Variants in GRIP1 observed in about 807,000 individuals in gnomAD.
GRIP1 encodes glutamate receptor-interacting protein 1.
GRIP1 carries 45 observed loss-of-function variants against 129.9 expected under a neutral mutation model. The observed-to-expected ratio is 0.35, with a 90% CI of 0.27 to 0.44. GRIP1 has a LOEUF of 0.44. Ranked by LOEUF, GRIP1 falls within the 20% of genes least tolerant of loss-of-function variation. GRIP1 has a pLI of 1.00. For synonymous variants in GRIP1, 530 were observed against 520.8 expected, an observed-to-expected ratio of 1.02 and a Z score of -0.24; for missense variants, 1,196 against 1,396.8, an observed-to-expected ratio of 0.86 and a Z score of 2.29.
At chr12:66,736,392 T>A (rs970490326) in intron 1 of GRIP1, among the ~76,000 whole-genome samples, 1 of 129,454 alleles carries the variant, frequency 7.7e-6, no homozygotes, top group Middle Eastern at 4.0e-3. Flanking sequence ...TTTTTTTTTT[T>A]AGGATACAGG....
At chr12:67,002,064 T>A (rs1462817423) in intron 1 of GRIP1, among the ~76,000 whole-genome samples, 1 of 152,054 alleles carries the variant, frequency 6.6e-6, no homozygotes, top group African/African-American at 2.4e-5. Flanking sequence ...ATGCACCCAG[T>A]TGTAAATCCA....
At chr12:66,598,031 C>CATT (rs75396025) in intron 1 of GRIP1, among the ~76,000 whole-genome samples, 11,362 of 152,090 alleles carry the variant, frequency 0.075, 494 homozygotes, top group East Asian at 0.11. Flanking sequence ...TAAGATGTAT[C>CATT]GTTGTTGTTA....
At chr12:66,972,447 T>C (rs2042088385) in intron 1 of GRIP1, among the ~76,000 whole-genome samples, 1 of 152,212 alleles carries the variant, frequency 6.6e-6, no homozygotes, top group African/African-American at 2.4e-5. Context: ...CAGAACTTCT[T>C]ACAAAGATAT....
chr12:66,465,016 C>G (rs12818702), intron 8 of GRIP1, among the ~76,000 whole-genome samples: 39,575 of 148,886 alleles, frequency 0.27, 6,221 homozygotes, highest in African/African-American at 0.43. Flanking sequence ...AATGGTTCAG[C>G]TCACTGCAAC....
intron 1 of GRIP1, among the ~76,000 whole-genome samples, chr12:66,833,999 A>G (rs1828919119): frequency 6.6e-6 from 1 of 152,002 alleles, no homozygotes; most frequent in Non-Finnish European, 1.5e-5. Context: ...GAAACCATGA[A>G]ACCCCGTCTC....
intron 1 of GRIP1, among the ~76,000 whole-genome samples, chr12:66,829,815 G>C (rs2137012970): frequency 6.6e-6 from 1 of 152,256 alleles, no homozygotes; most frequent in Admixed American, 6.5e-5. Flanking sequence ...GTCACCCTAA[G>C]TTCACAGAGC....
chr12:67,041,337 T>A (rs1006383367), intron 1 of GRIP1, among the ~76,000 whole-genome samples: 3 of 152,106 alleles, frequency 2.0e-5, no homozygotes, highest in Admixed American at 6.6e-5. Flanking sequence ...TGTGTGTGTG[T>A]ATAGACACAC....
chr12:66,686,487 T>C (rs572144072), intron 1 of GRIP1, among the ~76,000 whole-genome samples: 1 of 152,366 alleles, frequency 6.6e-6, no homozygotes, highest in South Asian at 2.1e-4. Flanking sequence ...TTTTGGAAGC[T>C]CTAGTAATAC....
At chr12:66,759,741 G>A (rs1242737747) in intron 1 of GRIP1, among the ~76,000 whole-genome samples, 8 of 146,114 alleles carry the variant, frequency 5.5e-5, no homozygotes, top group South Asian at 2.3e-4. Flanking sequence ...GCAAAATGCC[G>A]CTAGTCTCTT....
intron 1 of GRIP1, among the ~76,000 whole-genome samples, chr12:66,836,116 A>C (rs1473868861): frequency 6.6e-6 from 1 of 152,170 alleles, no homozygotes; most frequent in Non-Finnish European, 1.5e-5. Flanking sequence ...GGCTCTAATA[A>C]AGTAGCAAAT....
intron 1 of GRIP1, among the ~76,000 whole-genome samples, chr12:67,046,177 A>G: frequency 6.6e-6 from 1 of 152,194 alleles, no homozygotes; most frequent in Non-Finnish European, 1.5e-5. Flanking sequence ...TCAGCCTCAA[A>G]GTCAAAGCCA....
intron 1 of GRIP1, among the ~76,000 whole-genome samples, chr12:66,923,283 C>G (rs2041242904): frequency 6.6e-6 from 1 of 152,144 alleles, no homozygotes; most frequent in Admixed American, 6.5e-5. Flanking sequence ...AAAGTCGAGG[C>G]TGCAGTGAGC....
intron 1 of GRIP1, among the ~76,000 whole-genome samples, chr12:66,714,665 T>C (rs1314391463): frequency 6.6e-6 from 1 of 152,078 alleles, no homozygotes; most frequent in Admixed American, 6.6e-5. Flanking sequence ...CCTTCTTCAG[T>C]ATGCTACAAG....
At chr12:66,723,519 G>C (rs1015942152) in intron 1 of GRIP1, among the ~76,000 whole-genome samples, 1 of 151,440 alleles carries the variant, frequency 6.6e-6, no homozygotes, top group Non-Finnish European at 1.5e-5. Flanking sequence ...CACTATGTTG[G>C]CCAGGTTGGT....
At chr12:66,523,198 G>A (rs1017535361) in intron 5 of GRIP1, among the ~76,000 whole-genome samples, 16 of 151,150 alleles carry the variant, frequency 1.1e-4, no homozygotes, top group African/African-American at 3.9e-4. Context: ...GATACTCCTC[G>A]AGAAGAGCAA....
chr12:66,650,415 CT>C (rs942337798), intron 1 of GRIP1, among the ~76,000 whole-genome samples: 1 of 152,136 alleles, frequency 6.6e-6, no homozygotes, highest in Non-Finnish European at 1.5e-5. Flanking sequence ...TATTCTCAGT[CT>C]GACTCAAGAA....
chr12:66,837,195 T>C (rs2039629754), intron 1 of GRIP1, among the ~76,000 whole-genome samples: 1 of 152,206 alleles, frequency 6.6e-6, no homozygotes, highest in Non-Finnish European at 1.5e-5. Context: ...GAGTACCCAC[T>C]ATGAGCCATA....
In GRIP1 at chr12:66,412,269, C is replaced by T. The variant is rs1436932719; in HGVS notation, c.1839-5841G>A. Reference sequence around the variant, plus strand: ...CGCCTACAAAGGGAAGTCCATCAGACCAACAGCAGACCTCTCAGCAGAAAC... The same window carrying T: ...CGCCTACAAAGGGAAGTCCATCAGATCAACAGCAGACCTCTCAGCAGAAAC... On this transcript the variant is annotated intron_variant, in intron 15 of 24. Coordinates refer to ENST00000359742, the MANE Select transcript of GRIP1 (RefSeq NM_001366722.1). Among the ~76,000 whole-genome samples, 3 of 152,310 alleles carry T rather than the reference C, an allele frequency of 2.0e-5. No individual in the cohort carries two copies. The East Asian group carries it at 5.8e-4, about 29-fold the overall frequency.
intron 1 of GRIP1, among the ~76,000 whole-genome samples, chr12:66,973,799 T>C (rs1283606832): frequency 1.3e-5 from 2 of 152,152 alleles, no homozygotes; most frequent in Non-Finnish European, 2.9e-5. Flanking sequence ...TAGCTTCTCT[T>C]TACTACCATC....
Sources: allele counts gnomAD v4.1 joint callset (sites outside exome capture counted in the v4.1 genomes callset), GRCh38; gene constraint gnomAD v4.1.1; transcripts MANE v1.5; gene names NCBI Gene and HGNC (gene_info 2026-07-23, HGNC 2026-07-21).